Variants in PHF24 observed in about 807,000 individuals in gnomAD.
PHF24 encodes the protein Galpha inhibitory interacting protein.
A neutral mutation model predicts 42.6 loss-of-function variants in PHF24; 25 were observed. That is an observed-to-expected ratio of 0.59 (90% CI 0.43 to 0.82). PHF24 has a LOEUF of 0.82. PHF24 is among the 40% of genes least tolerant of loss of function. PHF24 has a pLI of 0.00. For missense variants in PHF24, 470 were observed against 538.1 expected, an observed-to-expected ratio of 0.87 and a Z score of 1.25; for synonymous variants, 185 against 204.8, an observed-to-expected ratio of 0.90 and a Z score of 0.83.
the PHF24 span, among the ~76,000 whole-genome samples, chr9:34,674,462 T>C: frequency 6.6e-6 from 1 of 152,244 alleles, no homozygotes; most frequent in East Asian, 1.9e-4. Context: ...TATTTAAGAT[T>C]CTGTGGGCCA....
chr9:34,845,285 T>C, the PHF24 span, among the ~76,000 whole-genome samples: 2 of 152,240 alleles, frequency 1.3e-5, no homozygotes, highest in African/African-American at 4.8e-5. Context: ...TCTGCCACTT[T>C]ATGTCTTTTC....
chr9:34,955,643 C>T (rs1488537171), upstream of PHF24, among the ~76,000 whole-genome samples: 3 of 152,224 alleles, frequency 2.0e-5, no homozygotes, highest in African/African-American at 7.2e-5. Context: ...AGCCACTGCA[C>T]TCCAGCCTGG....
the PHF24 span, among the ~76,000 whole-genome samples, chr9:34,865,009 T>C: frequency 2.6e-5 from 4 of 152,100 alleles, no homozygotes; most frequent in South Asian, 4.2e-4. Flanking sequence ...TGAAACCCTG[T>C]CTCTACCAAA....
the PHF24 span, among the ~76,000 whole-genome samples, chr9:34,886,814 C>G: frequency 7.1e-4 from 93 of 131,178 alleles, no homozygotes; most frequent in African/African-American, 2.5e-3. Context: ...ATGTATCTAT[C>G]TATGTATCTA....
chr9:34,815,479 C>T, the PHF24 span, among the ~76,000 whole-genome samples: 17 of 152,116 alleles, frequency 1.1e-4, no homozygotes, highest in Admixed American at 2.0e-4. Flanking sequence ...CCCGCCACCA[C>T]GCCCAGCTAA....
exon 8 of PHF24, chr9:34,979,645 G>A (rs889957985): frequency 1.3e-5 from 2 of 152,196 alleles, no homozygotes; most frequent in African/African-American, 2.4e-5. Flanking sequence ...GTGCTAAATC[G>A]GGTGCGTACA....
chr9:34,672,663 G>C, the PHF24 span, among the ~76,000 whole-genome samples: 1 of 151,920 alleles, frequency 6.6e-6, no homozygotes, highest in African/African-American at 2.4e-5. Context: ...GAAGCCTCTA[G>C]TCCCACACCC....
the PHF24 span, among the ~76,000 whole-genome samples, chr9:34,742,747 T>A: frequency 2.2e-5 from 3 of 139,346 alleles, no homozygotes; most frequent in African/African-American, 7.8e-5. Context: ...TTCTTTTTTT[T>A]AAACAGGGTG....
the PHF24 span, among the ~76,000 whole-genome samples, chr9:34,836,245 C>T: frequency 6.6e-6 from 1 of 152,116 alleles, no homozygotes; most frequent in Non-Finnish European, 1.5e-5. Context: ...GGGGTTAGGA[C>T]TTGTTGGACA....
At chr9:34,917,834 G>A in the PHF24 span, 1 of 1,460,242 alleles carries the variant, frequency 6.8e-7, no homozygotes, top group Non-Finnish European at 9.6e-7. Flanking sequence ...ATCTCTGGGT[G>A]GCTCGTTTCA....
At chr9:34,922,050 G>A in the PHF24 span, 1 of 809,222 alleles carries the variant, frequency 1.2e-6, no homozygotes, top group South Asian at 1.7e-5. Flanking sequence ...AAACCACGTG[G>A]GAAATATAGA....
chr9:34,666,403 C>T, the PHF24 span, among the ~76,000 whole-genome samples: 1 of 152,080 alleles, frequency 6.6e-6, no homozygotes, highest in East Asian at 1.9e-4. Context: ...TTGTATGACC[C>T]TGGGCCGAGG....
the PHF24 span, among the ~76,000 whole-genome samples, chr9:34,924,448 A>G: frequency 2.3e-4 from 35 of 152,108 alleles, no homozygotes; most frequent in Middle Eastern, 0.01. Flanking sequence ...ATATCTGGGT[A>G]CTCCAGTGTT....
At chr9:34,921,807 A>G in the PHF24 span, among the ~76,000 whole-genome samples, 1 of 152,350 alleles carries the variant, frequency 6.6e-6, no homozygotes, top group Middle Eastern at 3.4e-3. Context: ...GACTGGAACC[A>G]ATGATCCCTT....
the PHF24 span, chr9:34,689,830 G>A: frequency 6.2e-7 from 1 of 1,614,158 alleles, no homozygotes; most frequent in Non-Finnish European, 8.5e-7. This position sits in a 1 kb window ranked among gnomAD's most constrained non-coding sequence, Gnocchi z 4.1. Flanking sequence ...TAACTGCTGC[G>A]GCGCTTCATC....
At chr9:34,689,948 C>A in the PHF24 span, 1 of 1,614,118 alleles carries the variant, frequency 6.2e-7, no homozygotes, top group Non-Finnish European at 8.5e-7. This position sits in a 1 kb window ranked among gnomAD's most constrained non-coding sequence, Gnocchi z 4.1. Context: ...AGGTCCTCTG[C>A]AGTCTCTGGA....
the PHF24 span, among the ~76,000 whole-genome samples, chr9:34,895,324 T>A: frequency 1.3e-5 from 2 of 152,030 alleles, no homozygotes; most frequent in Admixed American, 1.3e-4. Context: ...ATAAGTTCGG[T>A]GGGGACTTTA....
chr9:34,816,652 A>G, the PHF24 span, among the ~76,000 whole-genome samples: 527 of 152,306 alleles, frequency 3.5e-3, 9 homozygotes, highest in African/African-American at 0.012. Context: ...CACCAATCCC[A>G]TTCATGAGGG....
At chr9:34,709,722 C>G in the PHF24 span, 4 of 1,613,516 alleles carry the variant, frequency 2.5e-6, no homozygotes, top group South Asian at 4.4e-5. Flanking sequence ...GTCTTGCCCA[C>G]CATGCCCTCC....
Sources: allele counts gnomAD v4.1 joint callset (sites outside exome capture counted in the v4.1 genomes callset), GRCh38; gene constraint gnomAD v4.1.1; non-coding constraint Gnocchi (gnomAD v3.1); transcripts MANE v1.5; gene names NCBI Gene and HGNC (gene_info 2026-07-23, HGNC 2026-07-21).